The following KCMF1 variants were observed in gnomAD, a reference collection of about 807,000 sequenced individuals.
The protein encoded by KCMF1 is E3 ubiquitin-protein ligase KCMF1.
In KCMF1, 3 loss-of-function variants were observed where a neutral mutation model predicts 41.1. The observed-to-expected ratio is 0.07, with a 90% CI of 0.03 to 0.19. The LOEUF is 0.19. Ranked by LOEUF, KCMF1 falls within the 10% of genes least tolerant of loss-of-function variation. The pLI, the probability that KCMF1 is intolerant of heterozygous loss-of-function variation, is 1.00. For synonymous variants in KCMF1, 142 were observed against 164.5 expected (o/e 0.86, Z 1.04); for missense variants, 286 against 488.9 (o/e 0.58, Z 3.91).
At chr2:85,036,669 G>C (rs1355012385) in intron 3 of KCMF1, among the ~76,000 whole-genome samples, 1 of 151,874 alleles carries the variant, frequency 6.6e-6, no homozygotes, top group East Asian at 1.9e-4. Context: ...GCACATACCT[G>C]TGGTCCCAGC....
chr2:85,047,610 AAAAC>A (rs1558587195), intron 5 of KCMF1, among the ~76,000 whole-genome samples: 2 of 152,040 alleles, frequency 1.3e-5, no homozygotes, highest in African/African-American at 4.8e-5. Flanking sequence ...AAAAAAAAAA[AAAAC>A]ACAGTTTTTG....
At chr2:85,040,970 C>A (rs1675519326) in intron 3 of KCMF1, among the ~76,000 whole-genome samples, 1 of 152,022 alleles carries the variant, frequency 6.6e-6, no homozygotes, top group African/African-American at 2.4e-5. Context: ...CCATGTTGGT[C>A]AGGCTGGTCT....
rs1028380386 is a variant in KCMF1 at position 85,057,235 on chromosome 2, A to T, written c.*3826A>T. The stretch of plus-strand genomic sequence containing the variant: ...GAAATTATCCCAGAATTATACGCGA[A>T]AGTTGGTGTTCATGCTGGAAAACAG... On this transcript the variant is annotated 3_prime_UTR_variant, in exon 7 of 7. Coordinates refer to ENST00000409785, the MANE Select transcript of KCMF1 (RefSeq NM_020122.5). 2.6e-5 allele frequency: 4 copies of T among 152,260 alleles called. No individual in the cohort carries two copies. The highest frequency in any genetic ancestry group is 5.9e-5 in the Non-Finnish European group (4 of 68,036). The allele number at this position is 152,260 out of a possible 1,614,324, so 9.4% of individuals were successfully genotyped here.
At chr2:85,026,107 C>T (rs1280041401) in intron 1 of KCMF1, among the ~76,000 whole-genome samples, 2 of 152,088 alleles carry the variant, frequency 1.3e-5, no homozygotes, top group South Asian at 2.1e-4. Context: ...TCTTCTGCTT[C>T]AGCCTCCCAA....
In KCMF1 at chr2:85,052,917, A is replaced by G. The variant is rs1247124696; in HGVS notation, c.885-231A>G. Among the ~76,000 whole-genome samples the G allele has an allele frequency of 2.6e-5, 4 of 151,708 alleles. No homozygotes were observed. The East Asian group carries it at 7.7e-4, about 29-fold the overall frequency. On this transcript the variant is annotated intron_variant, in intron 6 of 6. Coordinates refer to ENST00000409785, the MANE Select transcript of KCMF1 (RefSeq NM_020122.5). The stretch of plus-strand genomic sequence containing the variant: ...AAGTCTAAATGTCTTTTTTTTTCTC[A>G]TTGAGTCTAATTAAAGCATAGATTT...
chr2:85,037,665 G>C (rs562934610), intron 3 of KCMF1, among the ~76,000 whole-genome samples: 1 of 152,290 alleles, frequency 6.6e-6, no homozygotes, highest in African/African-American at 2.4e-5. Context: ...ACAGCAACTT[G>C]CTATATATCT....
chr2:85,046,062 T>C (rs1346752834), intron 4 of KCMF1, 42 bp from the exon 5 acceptor site: 2 of 1,534,244 alleles, frequency 1.3e-6, no homozygotes, highest in Non-Finnish European at 1.8e-6. Context: ...TTTTTTTTCT[T>C]TCTGTGAAAT....
intron 1 of KCMF1, among the ~76,000 whole-genome samples, chr2:84,993,908 TTTTGTTTTG>T (rs1674110722): frequency 8.7e-4 from 1 of 1,154 alleles, no homozygotes; most frequent in Non-Finnish European, 3.4e-3. Context: ...ACATTTTTTG[TTTTGTTTTG>T]TTTTGTTTTG....
chr2:85,027,060 T>C (rs1023912924), intron 1 of KCMF1, among the ~76,000 whole-genome samples: 1 of 152,304 alleles, frequency 6.6e-6, no homozygotes, highest in South Asian at 2.1e-4. Flanking sequence ...GGTTTGTGGT[T>C]ATGGCTTTTT....
At chr2:85,028,287 A>G (rs1320395076) in intron 2 of KCMF1, among the ~76,000 whole-genome samples, 1 of 151,882 alleles carries the variant, frequency 6.6e-6, no homozygotes, top group Non-Finnish European at 1.5e-5. Flanking sequence ...GGTTCAAGCA[A>G]TTCCCCTGCC....
chr2:85,022,363 A>G (rs1485745648), intron 1 of KCMF1, among the ~76,000 whole-genome samples: 4 of 151,926 alleles, frequency 2.6e-5, no homozygotes, highest in Non-Finnish European at 5.9e-5. Flanking sequence ...AGTCCCAGCT[A>G]CTCAGGAGGC....
In KCMF1 at chr2:85,034,639, G is replaced by A. The variant is rs192166915; in HGVS notation, c.185-377G>A. On this transcript the variant is annotated intron_variant, in intron 2 of 6. Coordinates refer to ENST00000409785, the MANE Select transcript of KCMF1 (RefSeq NM_020122.5). ...CCTAAGCACTCCTTGATCACGTGAC[G>A]TTGTTGAATATTTTAGGCACACTTT... Among the ~76,000 whole-genome samples, 95 of 152,232 alleles carry A rather than the reference G, an allele frequency of 6.2e-4. 2 individuals carry two copies. The South Asian group carries it at 0.019, about 31-fold the overall frequency.
intron 3 of KCMF1, among the ~76,000 whole-genome samples, chr2:85,035,868 G>A (rs938283108): frequency 1.3e-5 from 2 of 152,158 alleles, no homozygotes; most frequent in African/African-American, 4.8e-5. Context: ...GGCTTTATAT[G>A]GAACTATAGA....
chr2:84,986,191 CTT>C (rs1673896064), intron 1 of KCMF1, among the ~76,000 whole-genome samples: 1 of 152,116 alleles, frequency 6.6e-6, no homozygotes, highest in Non-Finnish European at 1.5e-5. Context: ...TTAGAAAACT[CTT>C]AGAATTTTTC....
chr2:85,001,793 C>T (rs960970164), intron 1 of KCMF1, among the ~76,000 whole-genome samples: 1 of 152,162 alleles, frequency 6.6e-6, no homozygotes, highest in Non-Finnish European at 1.5e-5. Flanking sequence ...AACATAGATA[C>T]ATTCTGAGAT....
Position 85,057,891 on chromosome 2 carries a change from G to A in KCMF1, c.*4482G>A, listed in dbSNP as rs1214583365. On this transcript the variant is annotated 3_prime_UTR_variant, in exon 7 of 7. Transcript: ENST00000409785. The stretch of plus-strand genomic sequence containing the variant: ...CATTTTAGTCGGTTGCTATTAGGTG[G>A]GTAATGCCTAATAACATGGGTTCCT... The A allele has an allele frequency of 1.3e-5, 2 of 152,128 alleles. No homozygotes were observed. Among genetic ancestry groups the A allele is most frequent in the Non-Finnish European group, 2.9e-5 (2 of 68,014 alleles). The allele number at this position is 152,128 out of a possible 1,614,324, so 9.4% of individuals were successfully genotyped here. A position where few individuals can be genotyped will look rare whatever the true frequency, so the allele number is the denominator to read the frequency against.
At chr2:85,004,527 TA>T (rs201381912) in intron 1 of KCMF1, among the ~76,000 whole-genome samples, 2 of 149,150 alleles carry the variant, frequency 1.3e-5, no homozygotes, top group Admixed American at 6.7e-5. Flanking sequence ...AAAATAATAA[TA>T]AAAAAAAAGA....
rs1015452825 is a variant in KCMF1, at chr2:84,971,207, G to C, written c.-245G>C. On this transcript the variant is annotated 5_prime_UTR_variant, in exon 1 of 7. Coordinates refer to ENST00000409785, the MANE Select transcript of KCMF1 (RefSeq NM_020122.5). ...CACGGCGGGCGCCGGCGGAGCTGCG[G>C]CGTCGGACCCGCCTCCTGGAGGAGC... 1 of 146,504 alleles carries C rather than the reference G, an allele frequency of 6.8e-6. No homozygotes were observed. Among genetic ancestry groups the C allele is most frequent in the Admixed American group, 6.8e-5 (1 of 14,812 alleles). 9.1% of individuals were successfully genotyped at this position (146,504 alleles called of 1,614,324 possible).
rs540833020 is a variant in KCMF1 at position 85,021,940 on chromosome 2, C to T, written c.17-5949C>T. Among the ~76,000 whole-genome samples the T allele has an allele frequency of 4.9e-4, 75 of 152,000 alleles. 1 individual carries two copies. The highest frequency in any genetic ancestry group is 1.7e-3 in the African/African-American group (72 of 41,502). Reference sequence around the variant, plus strand: ...CAAGCAATTCTCCTGCCTCAGCCTCCGGAGTAGCTGGGATTACAGGTGCCT... The same window carrying T: ...CAAGCAATTCTCCTGCCTCAGCCTCTGGAGTAGCTGGGATTACAGGTGCCT... On this transcript the variant is annotated intron_variant, in intron 1 of 6. Coordinates refer to ENST00000409785, the MANE Select transcript of KCMF1 (RefSeq NM_020122.5).
Sources: allele counts gnomAD v4.1 joint callset (sites outside exome capture counted in the v4.1 genomes callset), GRCh38; gene constraint gnomAD v4.1.1; transcripts MANE v1.5; gene names NCBI Gene and HGNC (gene_info 2026-07-23, HGNC 2026-07-21).